SETD1B: variants seen among roughly 807,000 people sequenced by gnomAD.
The protein encoded by SETD1B is histone-lysine N-methyltransferase SETD1B.
In SETD1B, 7 loss-of-function variants were observed where a neutral mutation model predicts 148.0. That is an observed-to-expected ratio of 0.05 (90% CI 0.03 to 0.09). The LOEUF (loss-of-function observed/expected upper bound fraction) is 0.09. Among genes scored for constraint, SETD1B ranks in the 10% least tolerant of loss-of-function variants. SETD1B has a pLI of 1.00. For missense variants in SETD1B, 2,155 were observed against 2,729.9 expected (o/e 0.79, Z 4.69); for synonymous variants, 1,361 against 1,186.5 (o/e 1.15, Z -3.02).
chr12:121,814,938 G>A lies in SETD1B; in HGVS notation c.2715+8G>A. The A allele has an allele frequency of 6.5e-7, 1 of 1,539,222 alleles. No individual in the cohort carries two copies. The highest frequency in any genetic ancestry group is 8.8e-7 in the Non-Finnish European group (1 of 1,139,258). ...AAGGAGCGGATGGCCAAGGTGGGTG[G>A]GTGGGTGCAGGGCTCTGCAGGGTGG... On this transcript the variant is annotated splice_region_variant and intron_variant, in intron 7 of 16. Transcript: ENST00000604567.
At chr12:121,795,097 C>G in the SETD1B span, among the ~76,000 whole-genome samples, 1 of 152,198 alleles carries the variant, frequency 6.6e-6, no homozygotes, top group Non-Finnish European at 1.5e-5. Flanking sequence ...ACGGTCTGAC[C>G]ACCAGAGGGC....
At chr12:121,793,667 C>CACTAGCGGCGGCGCGCT in the SETD1B span, 6 of 1,502,882 alleles carry the variant, frequency 4.0e-6, no homozygotes, top group Non-Finnish European at 5.3e-6. Context: ...GGCGGCGCGC[C>CACTAGCGGCGGCGCGCT]GGGCACTAGC....
intron 10 of SETD1B, among the ~76,000 whole-genome samples, chr12:121,819,027 C>A (rs991430858): frequency 6.6e-6 from 1 of 151,990 alleles, no homozygotes; most frequent in African/African-American, 2.4e-5. Context: ...AGTGGATCAC[C>A]TGAGGTCAGG....
Position 121,819,738 on chromosome 12 carries a change from C to A in SETD1B, c.3753C>A (p.Asp1251Glu). The A allele has an allele frequency of 6.4e-7, 1 of 1,551,280 alleles. No homozygotes were observed. Among genetic ancestry groups the A allele is most frequent in the Non-Finnish European group, 8.7e-7 (1 of 1,146,974 alleles). Residue 1251 changes from aspartate to glutamate, a missense_variant, in exon 11 of 17, where the codon GAC (aspartate) becomes GAA (glutamate). By Grantham distance (45) the Asp-to-Glu change is conservative. This residue lies in a region of SETD1B where 862 missense variants were observed against 873.8 expected (regional missense o/e 0.99). Transcript: ENST00000604567. ...CTGAGGAGCGGCCCTCCATGCTGGA[C>A]GAGCCCCCCTTGCCTGTGGGTGTTG... ...VAPEERPSML[D>E]EPPLPVGVEE...
the SETD1B span, among the ~76,000 whole-genome samples, chr12:121,791,116 C>A: frequency 6.6e-6 from 1 of 151,724 alleles, no homozygotes; most frequent in Non-Finnish European, 1.5e-5. Flanking sequence ...TCAAGCAATC[C>A]TCCTGCCTCA....
In SETD1B at chr12:121,817,930, G is replaced by T. The variant is rs1372779720; in HGVS notation, c.3418+26G>T. On this transcript the variant is annotated intron_variant, in intron 10 of 16. Coordinates refer to ENST00000604567, the MANE Select transcript of SETD1B (RefSeq NM_001353345.2). The surrounding 1 kb of genome is among the most constrained non-coding windows in gnomAD (Gnocchi z 8.1). ...GTGAGCAGGGAGGCCGTGGCTGCCT[G>T]GCCCTCCCGGAGTCCCTCTTTCCCC... 3 of 1,507,468 alleles carry T rather than the reference G, an allele frequency of 2.0e-6. No homozygotes were observed. Among genetic ancestry groups the T allele is most frequent in the Non-Finnish European group, 2.7e-6 (3 of 1,124,294 alleles). The allele number at this position is 1,507,468 out of a possible 1,614,324, so 93.4% of individuals were successfully genotyped here.
At position 121,810,423 on chromosome 12, in the gene SETD1B, A is replaced by G. The variant is rs190344718; in HGVS notation, c.1478A>G (p.Glu493Gly). Reference sequence around the variant, plus strand: ...CTGGAGTCGTCCCCTGCAGGGCCAGAGAAACCCCACGACAGCCTGGACTCG... The same window carrying G: ...CTGGAGTCGTCCCCTGCAGGGCCAGGGAAACCCCACGACAGCCTGGACTCG... The part of the protein sequence containing the change: ...PTLESSPAGP[E>G]KPHDSLDSRI... The change falls in exon 6 of 17, where the codon GAG becomes GGG. Residue 493 changes from glutamate (E) to glycine (G), a missense_variant. Glu to Gly is a moderately conservative substitution (Grantham distance 98, BLOSUM62 -2). Transcript: ENST00000604567. The surrounding 1 kb of genome is among the most constrained non-coding windows in gnomAD (Gnocchi z 7.6). 1,312 of 1,549,272 alleles carry G rather than the reference A, an allele frequency of 8.5e-4. 1 individual carries two copies. Among genetic ancestry groups the G allele is most frequent in the Non-Finnish European group, 1.1e-3 (1,208 of 1,146,968 alleles).
intron 4 of SETD1B, among the ~76,000 whole-genome samples, chr12:121,807,915 G>T (rs1207936034): frequency 4.0e-5 from 6 of 149,910 alleles, no homozygotes; most frequent in African/African-American, 1.5e-4. Flanking sequence ...GTGGGGGGGG[G>T]CTGGGCGTCG....
intron 7 of SETD1B, 123 bp from the exon 8 acceptor site, chr12:121,816,910 T>C: frequency 3.6e-6 from 3 of 834,852 alleles, no homozygotes; most frequent in Non-Finnish European, 5.4e-6. Context: ...GTGTAGGGAA[T>C]GAGGATGCAG....
rs371806440 is a variant in SETD1B, at chr12:121,817,047, G to A, written c.2730G>A (p.Pro910=). 2.3e-5 allele frequency: 35 copies of A among 1,528,696 alleles called. 1 individual carries two copies. Among genetic ancestry groups the A allele is most frequent in the Middle Eastern group, 3.6e-4 (2 of 5,610 alleles). The allele number at this position is 1,528,696 out of a possible 1,614,324, so 94.7% of individuals were successfully genotyped here. The change falls in exon 8 of 17, where the codon CCG becomes CCA. Residue 910 remains proline (P), a synonymous_variant. Coordinates refer to ENST00000604567, the MANE Select transcript of SETD1B (RefSeq NM_001353345.2). The surrounding 1 kb of genome is among the most constrained non-coding windows in gnomAD (Gnocchi z 8.1). ...KERMAKASLT[P]VKSGEHKDED... ...CTCCACCCCAGGCCTCGCTGACCCC[G>A]GTGAAGTCGGGCGAGCACAAGGACG...
At position 121,804,286 on chromosome 12, in the gene SETD1B, G is replaced by GC. The variant is rs1875584912; in HGVS notation, c.-15+58dup. Reference sequence around the variant, plus strand: ...CGCGGCCGGCAGCCGGGCGGCCCAAGCCCCCGGCCCCGGCCCTGGCCCGAG... The same window carrying GC: ...CGCGGCCGGCAGCCGGGCGGCCCAAGCCCCCCGGCCCCGGCCCTGGCCCGAG... On this transcript the variant is annotated intron_variant, in intron 1 of 16. Coordinates refer to ENST00000604567, the MANE Select transcript of SETD1B (RefSeq NM_001353345.2). The surrounding 1 kb of genome is among the most constrained non-coding windows in gnomAD (Gnocchi z 4.6). 6.8e-6 allele frequency: 1 copy of GC among 146,292 alleles called. No homozygotes were observed. Among genetic ancestry groups the GC allele is most frequent in the Non-Finnish European group, 1.5e-5 (1 of 65,758 alleles). The allele number at this position is 146,292 out of a possible 1,614,324, so 9.1% of individuals were successfully genotyped here.
Position 121,806,077 on chromosome 12 carries a change from C to T in SETD1B, c.516C>T (p.Asn172=), listed in dbSNP as rs910280808. 2 of 1,551,688 alleles carry T rather than the reference C, an allele frequency of 1.3e-6. No individual in the cohort carries two copies. Among genetic ancestry groups the T allele is most frequent in the Non-Finnish European group, 1.7e-6 (2 of 1,146,988 alleles). ...QHLHSTSVMG[N]IIHVELDTKG... is the part of the protein sequence containing the mutation. ...TGCACAGCACTTCCGTCATGGGCAA[C>T]ATTATCCACGTGGAGCTGGACACCA... is the stretch of plus-strand genomic sequence containing the variant. The change falls in exon 4 of 17, where the codon AAC becomes AAT. Residue 172 remains asparagine, a synonymous_variant. Coordinates refer to ENST00000604567, the MANE Select transcript of SETD1B (RefSeq NM_001353345.2).
At chr12:121,811,596 G>T (rs1480213922) in intron 6 of SETD1B, among the ~76,000 whole-genome samples, 1 of 152,212 alleles carries the variant, frequency 6.6e-6, no homozygotes, top group African/African-American at 2.4e-5. Context: ...CCCTGGGAGG[G>T]TGTTGGGTCA....
the SETD1B span, chr12:121,794,228 C>T: frequency 6.6e-6 from 1 of 152,640 alleles, no homozygotes; most frequent in East Asian, 1.9e-4. Context: ...GTCATGTCTG[C>T]CCACCTCGCC....
intron 7 of SETD1B, among the ~76,000 whole-genome samples, chr12:121,815,237 A>AG (rs1290071960): frequency 3.3e-5 from 5 of 152,218 alleles, no homozygotes; most frequent in Admixed American, 2.6e-4. Context: ...GATCAGCCTG[A>AG]GCAGTATAGC....
At chr12:121,798,251 T>C in the SETD1B span, among the ~76,000 whole-genome samples, 1 of 152,184 alleles carries the variant, frequency 6.6e-6, no homozygotes, top group East Asian at 1.9e-4. Flanking sequence ...CTTGACCCCA[T>C]CATGGAACAG....
intron 11 of SETD1B, among the ~76,000 whole-genome samples, chr12:121,820,826 CCCGGTCCTAGCA>C (rs1205530354): frequency 7.9e-5 from 12 of 152,348 alleles, no homozygotes; most frequent in South Asian, 4.1e-4. Context: ...AGCCACCATG[CCCGGTCCTAGCA>C]CCTACCTTTA....
chr12:121,817,133 G>GCGAGGGCCTGGGCTA lies in SETD1B; in HGVS notation c.2830_2844dup (p.Tyr944_Gly948dup), dbSNP rs1269292715. 6.5e-7 allele frequency: 1 copy of GCGAGGGCCTGGGCTA among 1,548,870 alleles called. No individual in the cohort carries two copies. The highest frequency in any genetic ancestry group is 1.2e-5 in the South Asian group (1 of 84,048). On this transcript the variant is annotated inframe_insertion, in exon 8 of 17. Coordinates refer to ENST00000604567, the MANE Select transcript of SETD1B (RefSeq NM_001353345.2). The surrounding 1 kb of genome is among the most constrained non-coding windows in gnomAD (Gnocchi z 8.1). ...TGCCTGCTGGAGTCATGGGGCAAGGGCGAGGGCCTGGGCTACGAGGGCCTG... is the reference window on the plus strand; with the variant it reads ...TGCCTGCTGGAGTCATGGGGCAAGGGCGAGGGCCTGGGCTACGAGGGCCTGGGCTACGAGGGCCTG...
chr12:121,819,575 C>G lies in SETD1B; in HGVS notation c.3590C>G (p.Ala1197Gly). 6.4e-7 allele frequency: 1 copy of G among 1,552,436 alleles called. No homozygotes were observed. Among genetic ancestry groups the G allele is most frequent in the Non-Finnish European group, 8.7e-7 (1 of 1,147,276 alleles). Reference sequence around the variant, plus strand: ...GAAGAGGAGGAGGAGGAGATGGTGGCCGAGGAAAGCATGGCTTCTGCAGGC... The same window carrying G: ...GAAGAGGAGGAGGAGGAGATGGTGGGCGAGGAAAGCATGGCTTCTGCAGGC... ...EEEEEEEEMV[A>G]EESMASAGPE... The change falls in exon 11 of 17, where the codon GCC (alanine) becomes GGC (glycine). Residue 1197 changes from alanine (A) to glycine (G), a missense_variant. This residue lies in a region of SETD1B where 862 missense variants were observed against 873.8 expected (regional missense o/e 0.99). Transcript: ENST00000604567.
Sources: gnomAD v4.1 joint callset for allele counts (sites outside exome capture counted in the v4.1 genomes callset) on GRCh38, gnomAD v4.1.1 for gene constraint, gnomAD v4.1.1 regional missense constraint, Gnocchi (gnomAD v3.1) non-coding constraint, MANE v1.5 for transcripts, NCBI Gene and HGNC (gene_info 2026-07-23, HGNC 2026-07-21) for gene names.